FIGNL2: variants seen among roughly 807,000 people sequenced by gnomAD.
FIGNL2 encodes fidgetin-like protein 2.
For synonymous variants in FIGNL2, 565 were observed against 484.0 expected (o/e 1.17, Z -2.20); for missense variants, 1,060 against 950.2 (o/e 1.12, Z -1.52).
At chr12:51,841,843 C>G (rs1939668735) in intron 1 of FIGNL2, 1 of 152,208 alleles carries the variant, frequency 6.6e-6, no homozygotes, top group Non-Finnish European at 1.5e-5. Context: ...CGTGGCGGCC[C>G]CTGCAGCTCT....
Position 51,821,962 on chromosome 12 carries a change from C to T in FIGNL2, c.452G>A (p.Gly151Asp). ...EPLYAGNACG[G>D]PSAAPEYAAG... Reference sequence around the variant, plus strand: ...CGCGTACTCGGGCGCCGCCGATGGGCCCCCGCACGCATTGCCGGCGTAGAG... The same window carrying T: ...CGCGTACTCGGGCGCCGCCGATGGGTCCCCGCACGCATTGCCGGCGTAGAG... The change falls in exon 2 of 2, where the codon GGC becomes GAC. Residue 151 changes from glycine to aspartate, a missense_variant. Gly to Asp is a moderately conservative substitution (Grantham distance 94). Transcript: ENST00000618634. 2 of 1,550,822 alleles carry T rather than the reference C, an allele frequency of 1.3e-6. No individual in the cohort carries two copies. Among genetic ancestry groups the T allele is most frequent in the Admixed American group, 2.0e-5 (1 of 50,790 alleles).
In FIGNL2 at chr12:51,822,186, C is replaced by T. The variant is rs1283931023; in HGVS notation, c.228G>A (p.Glu76=). 5.0e-6 allele frequency: 8 copies of T among 1,611,638 alleles called. No individual in the cohort carries two copies. Among genetic ancestry groups the T allele is most frequent in the Non-Finnish European group, 6.8e-6 (8 of 1,179,056 alleles). The change falls in exon 2 of 2, where the codon GAG becomes GAA. Residue 76 remains glutamate, a synonymous_variant. Coordinates refer to ENST00000618634, the MANE Select transcript of FIGNL2 (RefSeq NM_001384995.1). The stretch of plus-strand genomic sequence containing the variant: ...CGCTGTACCCGCCCAGGGCCGGACG[C>T]TCGTAGGGAGAATCCAAGACCCCAG... ...KYSGVLDSPY[E]RPALGGYSDA... is the part of the protein sequence containing the mutation.
chr12:51,832,849 A>G (rs1394408357), intron 1 of FIGNL2, among the ~76,000 whole-genome samples: 1 of 152,200 alleles, frequency 6.6e-6, no homozygotes, highest in Non-Finnish European at 1.5e-5. Context: ...GGGCTCCCAC[A>G]TCCGCAACCT....
chr12:51,848,374 T>G, intron 1 of FIGNL2, 166 bp downstream of exon 1: 1 of 974,692 alleles, frequency 1.0e-6, no homozygotes, highest in African/African-American at 1.9e-5. Flanking sequence ...CCCGCTAGGG[T>G]CTCTCGCCGG....
chr12:51,847,599 C>T (rs1939779387), intron 1 of FIGNL2: 2 of 985,324 alleles, frequency 2.0e-6, no homozygotes, highest in African/African-American at 1.7e-5. Context: ...TCCGGGCCGC[C>T]GCTGGGCGCA....
rs1408320489 is a variant in FIGNL2, at chr12:51,821,134, GTCC to G, written c.1277_1279del (p.Arg426_Thr427delinsPro). The G allele has an allele frequency of 6.9e-7, 1 of 1,458,256 alleles. No homozygotes were observed. The highest frequency in any genetic ancestry group is 8.9e-7 in the Non-Finnish European group (1 of 1,118,124). 90.3% of individuals were successfully genotyped at this position (1,458,256 alleles called of 1,614,324 possible). A position where few individuals can be genotyped will look rare whatever the true frequency, so the allele number is the denominator to read the frequency against. The stretch of plus-strand genomic sequence containing the variant: ...GCCCCGCGGCCCAAAGAGCAGGACG[GTCC>G]GCGGCGGGCGCAGGCTGCCCGGGTA... On this transcript the variant is annotated inframe_deletion, in exon 2 of 2. Transcript: ENST00000618634.
chr12:51,831,020 C>T (rs1303751726), intron 1 of FIGNL2, among the ~76,000 whole-genome samples: 1 of 151,900 alleles, frequency 6.6e-6, no homozygotes, highest in East Asian at 1.9e-4. Context: ...TTCAGGTTGG[C>T]CTCAAACTCC....
intron 1 of FIGNL2, among the ~76,000 whole-genome samples, chr12:51,836,148 T>C (rs1200163893): frequency 6.6e-6 from 1 of 152,130 alleles, no homozygotes; most frequent in African/African-American, 2.4e-5. Flanking sequence ...GTTTTACAGC[T>C]ACCCTGGACT....
At chr12:51,841,912 G>A (rs1433517382) in intron 1 of FIGNL2, 3 of 152,174 alleles carry the variant, frequency 2.0e-5, no homozygotes, top group African/African-American at 7.2e-5. Context: ...AAGATTTTTG[G>A]CTTCACAGAA....
intron 1 of FIGNL2, among the ~76,000 whole-genome samples, chr12:51,833,323 G>C (rs1325403507): frequency 3.9e-5 from 6 of 152,232 alleles, no homozygotes; most frequent in Non-Finnish European, 8.8e-5. Context: ...AAAGGGCTGG[G>C]ATTCCAGGCA....
intron 1 of FIGNL2, among the ~76,000 whole-genome samples, chr12:51,832,694 C>T (rs1939495676): frequency 6.6e-6 from 1 of 152,164 alleles, no homozygotes; most frequent in South Asian, 2.1e-4. Context: ...CTAGCTTTGA[C>T]CATCACCTGT....
Position 51,818,390 on chromosome 12 carries a change from A to G in FIGNL2, c.*2062T>C, listed in dbSNP as rs1939090785. On this transcript the variant is annotated 3_prime_UTR_variant, in exon 2 of 2. Coordinates refer to ENST00000618634, the MANE Select transcript of FIGNL2 (RefSeq NM_001384995.1). Reference sequence around the variant, plus strand: ...ACCCTCCACCCACCCCCACCCCCCAATACATACACACCTGAGAGAGAACCC... The same window carrying G: ...ACCCTCCACCCACCCCCACCCCCCAGTACATACACACCTGAGAGAGAACCC... 6.8e-6 allele frequency: 1 copy of G among 147,610 alleles called. No homozygotes were observed. The highest frequency in any genetic ancestry group is 6.7e-5 in the Admixed American group (1 of 14,906). The allele number at this position is 147,610 out of a possible 1,614,324, so 9.1% of individuals were successfully genotyped here.
chr12:51,844,676 C>G, intron 1 of FIGNL2: 1 of 984,970 alleles, frequency 1.0e-6, no homozygotes, highest in Non-Finnish European at 1.2e-6. Flanking sequence ...CATCAAGATG[C>G]TTATGAAACT....
intron 1 of FIGNL2, chr12:51,847,032 T>C (rs1939766170): frequency 5.2e-6 from 5 of 956,646 alleles, no homozygotes; most frequent in Non-Finnish European, 6.2e-6. Context: ...CCCCGCCCCC[T>C]GCCCGCAGCT....
In FIGNL2 at chr12:51,821,377, T is replaced by C; in HGVS notation, c.1037A>G (p.Glu346Gly). The C allele has an allele frequency of 6.6e-7, 1 of 1,509,946 alleles. No homozygotes were observed. Among genetic ancestry groups the C allele is most frequent in the Non-Finnish European group, 8.8e-7 (1 of 1,131,958 alleles). The allele number at this position is 1,509,946 out of a possible 1,614,324, so 93.5% of individuals were successfully genotyped here. A position where few individuals can be genotyped will look rare whatever the true frequency, so the allele number is the denominator to read the frequency against. ...PVYGPQLEPF[E>G]KFPERAPAPR... ...AGCCGGGGCCCGCTCCGGGAACTTT[T>C]CAAAGGGCTCCAGTTGCGGGCCGTA... The change falls in exon 2 of 2, where the codon GAA becomes GGA. Residue 346 changes from glutamate to glycine, a missense_variant. Glu to Gly is a moderately conservative substitution (Grantham distance 98). Transcript: ENST00000618634.
chr12:51,823,434 G>A (rs1389260779), intron 1 of FIGNL2: 2 of 151,942 alleles, frequency 1.3e-5, no homozygotes, highest in Non-Finnish European at 2.9e-5. Context: ...ACTTTTTTTC[G>A]TGGTCCTCAG....
chr12:51,843,732 C>T (rs1449056153), intron 1 of FIGNL2, among the ~76,000 whole-genome samples: 1 of 152,122 alleles, frequency 6.6e-6, no homozygotes, highest in African/African-American at 2.4e-5. Flanking sequence ...TCCCATCTAC[C>T]TGCCCACCCC....
chr12:51,823,105 T>C (rs1939261827), intron 1 of FIGNL2, among the ~76,000 whole-genome samples: 1 of 152,254 alleles, frequency 6.6e-6, no homozygotes, highest in Non-Finnish European at 1.5e-5. Flanking sequence ...CACTTGGTTT[T>C]GGCTTCTGCC....
intron 1 of FIGNL2, chr12:51,848,331 T>TC: frequency 3.6e-6 from 3 of 838,124 alleles, no homozygotes; most frequent in Non-Finnish European, 4.2e-6. Flanking sequence ...GCCCGCCCCC[T>TC]CCCCCCGAGA....
Sources: allele counts gnomAD v4.1 joint callset (sites outside exome capture counted in the v4.1 genomes callset), GRCh38; gene constraint gnomAD v4.1.1; transcripts MANE v1.5; gene names NCBI Gene and HGNC (gene_info 2026-07-23, HGNC 2026-07-21).